MPPED2: variants seen among roughly 807,000 people sequenced by gnomAD.
MPPED2 encodes metallophosphoesterase MPPED2.
In MPPED2, 5 loss-of-function variants were observed where a neutral mutation model predicts 33.0. That is an observed-to-expected ratio of 0.15 (90% CI 0.08 to 0.32). The LOEUF is 0.32. Among genes scored for constraint, MPPED2 ranks in the 10% least tolerant of loss-of-function variants. The probability of loss-of-function intolerance (pLI) is 1.00; values close to 1 mark genes in which losing one functional copy is unlikely to be tolerated. For synonymous variants in MPPED2, 136 were observed against 141.9 expected, an observed-to-expected ratio of 0.96 and a Z score of 0.29; for missense variants, 275 against 372.1, an observed-to-expected ratio of 0.74 and a Z score of 2.15.
chr11:30,389,637 A>T (rs971268093), intron 6 of MPPED2, among the ~76,000 whole-genome samples: 1 of 152,194 alleles, frequency 6.6e-6, no homozygotes, highest in African/African-American at 2.4e-5. Context: ...TCATTTACAT[A>T]TCCTATCATA....
chr11:30,542,149 G>A (rs1955154304), intron 2 of MPPED2, among the ~76,000 whole-genome samples: 1 of 152,168 alleles, frequency 6.6e-6, no homozygotes, highest in Non-Finnish European at 1.5e-5. Flanking sequence ...CCACTTCTTT[G>A]AGGATCATCT....
At position 30,389,616 on chromosome 11, in the gene MPPED2, C is replaced by T. The variant is rs557291767; in HGVS notation, c.767-660G>A. On this transcript the variant is annotated intron_variant, in intron 6 of 6. Coordinates refer to the MPPED2 transcript ENST00000448418. ...GTTAACCAATGACAAATTTAATAATCCTGAATGGCTTCATTTACATATCCT... is the reference window on the plus strand; with the variant it reads ...GTTAACCAATGACAAATTTAATAATTCTGAATGGCTTCATTTACATATCCT... Among the ~76,000 whole-genome samples, 3 of 152,282 alleles carry T rather than the reference C, an allele frequency of 2.0e-5. No individual in the cohort carries two copies. The South Asian group carries it at 6.2e-4, about 32-fold the overall frequency.
At chr11:30,572,601 G>T (rs1956749678) in intron 2 of MPPED2, among the ~76,000 whole-genome samples, 1 of 152,096 alleles carries the variant, frequency 6.6e-6, no homozygotes, top group Non-Finnish European at 1.5e-5. Flanking sequence ...TAAGAAAGTG[G>T]CTTACCAAGA....
Position 30,482,773 on chromosome 11 carries a change from A to G in MPPED2, c.536+12523T>C, listed in dbSNP as rs1951549217. 2.6e-5 allele frequency among the ~76,000 whole-genome samples: 4 copies of G among 152,206 alleles called. No homozygotes were observed. In the South Asian group the frequency reaches 8.3e-4, roughly 32 times the overall value. Reference sequence around the variant, plus strand: ...AAAATGCATTCATAATTATGTATCAAGAGTTACAAAGTCTCAGAACTGACT... The same window carrying G: ...AAAATGCATTCATAATTATGTATCAGGAGTTACAAAGTCTCAGAACTGACT... On this transcript the variant is annotated intron_variant, in intron 4 of 6. Coordinates refer to ENST00000358117, the MANE Select transcript of MPPED2 (RefSeq NM_001584.3).
At chr11:30,557,315 G>T (rs963538596) in intron 2 of MPPED2, among the ~76,000 whole-genome samples, 1 of 150,554 alleles carries the variant, frequency 6.6e-6, no homozygotes. Flanking sequence ...CTTAACTGGA[G>T]ATATCAATTA....
chr11:30,401,948 C>T (rs962954072), intron 6 of MPPED2, among the ~76,000 whole-genome samples: 6 of 151,848 alleles, frequency 4.0e-5, no homozygotes, highest in African/African-American at 4.8e-5. Context: ...CCGCCTGCCT[C>T]GGCCTCCCAA....
intron 4 of MPPED2, among the ~76,000 whole-genome samples, chr11:30,421,756 C>T (rs1207899857): frequency 6.6e-6 from 1 of 152,134 alleles, no homozygotes; most frequent in African/African-American, 2.4e-5. Context: ...TCAGTTTTTG[C>T]TCTCATATAT....
chr11:30,522,125 A>G (rs1055171943), intron 3 of MPPED2, among the ~76,000 whole-genome samples: 1 of 152,198 alleles, frequency 6.6e-6, no homozygotes, highest in African/African-American at 2.4e-5. Flanking sequence ...TTGAGTTTTA[A>G]AACTGACTGC....
At chr11:30,568,851 G>T (rs1262172542) in intron 2 of MPPED2, among the ~76,000 whole-genome samples, 1 of 152,084 alleles carries the variant, frequency 6.6e-6, no homozygotes, top group Non-Finnish European at 1.5e-5. Flanking sequence ...GCACTAGTGG[G>T]ATCTCACTGA....
intron 4 of MPPED2, among the ~76,000 whole-genome samples, chr11:30,477,422 G>C (rs1052883783): frequency 4.4e-4 from 67 of 152,034 alleles, no homozygotes; most frequent in African/African-American, 1.5e-3. Flanking sequence ...TTTTTATTAT[G>C]AATAATATTG....
At chr11:30,501,961 G>A (rs1175890335) in intron 3 of MPPED2, among the ~76,000 whole-genome samples, 1 of 152,166 alleles carries the variant, frequency 6.6e-6, no homozygotes, top group Admixed American at 6.5e-5. Context: ...CAGGGATGGA[G>A]AAGGGCAGAG....
intron 4 of MPPED2, among the ~76,000 whole-genome samples, chr11:30,481,165 G>T (rs1590471597): frequency 6.6e-6 from 1 of 151,922 alleles, no homozygotes; most frequent in African/African-American, 2.4e-5. Flanking sequence ...TTATTAATAG[G>T]CGACCTTTCC....
intron 2 of MPPED2, among the ~76,000 whole-genome samples, chr11:30,549,101 G>A (rs1480252065): frequency 4.6e-5 from 7 of 152,062 alleles, no homozygotes; most frequent in Non-Finnish European, 7.4e-5. Context: ...TATACAGATC[G>A]AACTTTATAC....
chr11:30,509,636 G>C (rs779465278), intron 3 of MPPED2, among the ~76,000 whole-genome samples: 1 of 152,116 alleles, frequency 6.6e-6, no homozygotes, highest in African/African-American at 2.4e-5. Flanking sequence ...CAAGTCACTG[G>C]GTCAGATGAA....
chr11:30,558,003 A>T (rs1257068716), intron 2 of MPPED2, among the ~76,000 whole-genome samples: 1 of 152,186 alleles, frequency 6.6e-6, no homozygotes, highest in African/African-American at 2.4e-5. Flanking sequence ...GCTGGAAAAT[A>T]TGAAGAACTC....
chr11:30,386,626 T>A (rs1947705335), exon 7 of MPPED2: 1 of 398,024 alleles, frequency 2.5e-6, no homozygotes, highest in Non-Finnish European at 4.4e-6. Context: ...GAACAGTGTC[T>A]AGCACAGAGC....
chr11:30,424,095 A>C (rs1948730702), intron 4 of MPPED2, among the ~76,000 whole-genome samples: 1 of 152,220 alleles, frequency 6.6e-6, no homozygotes, highest in African/African-American at 2.4e-5. Flanking sequence ...ATCCTGTGGA[A>C]TGCAAGAGCA....
intron 2 of MPPED2, among the ~76,000 whole-genome samples, chr11:30,557,404 G>A (rs1956024899): frequency 6.6e-6 from 1 of 151,756 alleles, no homozygotes; most frequent in Non-Finnish European, 1.5e-5. Flanking sequence ...AAATTTATAG[G>A]TATTTTCATT....
chr11:30,564,532 C>G (rs79735664), intron 2 of MPPED2, among the ~76,000 whole-genome samples: 1 of 152,228 alleles, frequency 6.6e-6, no homozygotes, highest in East Asian at 1.9e-4. Flanking sequence ...ACAGAGAAGT[C>G]AAGTAACTCA....
Sources: allele counts gnomAD v4.1 joint callset (sites outside exome capture counted in the v4.1 genomes callset), GRCh38; gene constraint gnomAD v4.1.1; transcripts MANE v1.5; gene names NCBI Gene and HGNC (gene_info 2026-07-23, HGNC 2026-07-21).